The following CCSER1 variants were observed in gnomAD, a reference collection of about 807,000 sequenced individuals.
CCSER1 encodes the protein serine-rich coiled-coil domain-containing protein 1.
A neutral mutation model predicts 82.0 loss-of-function variants in CCSER1; 41 were observed. That is an observed-to-expected ratio of 0.50 (90% CI 0.39 to 0.65). The LOEUF is 0.65. CCSER1 is among the 30% of genes least tolerant of loss of function. The probability of loss-of-function intolerance (pLI) is 0.00; values close to 1 mark genes in which losing one functional copy is unlikely to be tolerated. For missense variants in CCSER1, 1,119 were observed against 1,064.2 expected, an observed-to-expected ratio of 1.05 and a Z score of -0.72; for synonymous variants, 414 against 383.9, an observed-to-expected ratio of 1.08 and a Z score of -0.92.
chr4:91,161,604 G>A (rs1731408407), intron 10 of CCSER1, among the ~76,000 whole-genome samples: 1 of 152,070 alleles, frequency 6.6e-6, no homozygotes, highest in African/African-American at 2.4e-5. Flanking sequence ...AGTTCTCTTT[G>A]AAGAGGTCCT....
intron 10 of CCSER1, among the ~76,000 whole-genome samples, chr4:91,446,576 T>G (rs941269372): frequency 1.9e-5 from 1 of 53,314 alleles, no homozygotes; most frequent in African/African-American, 8.4e-5. Context: ...TTCTTTCTAT[T>G]CTTTGTGTGT....
At chr4:90,285,153 A>G (rs900566771) in intron 1 of CCSER1, among the ~76,000 whole-genome samples, 1 of 151,952 alleles carries the variant, frequency 6.6e-6, no homozygotes, top group Admixed American at 6.6e-5. Flanking sequence ...TTCAATATAA[A>G]TTTTAATTTT....
At chr4:90,789,012 AC>A (rs1450493295) in intron 7 of CCSER1, among the ~76,000 whole-genome samples, 1 of 151,554 alleles carries the variant, frequency 6.6e-6, no homozygotes, top group Non-Finnish European at 1.5e-5. Flanking sequence ...ACACATACAC[AC>A]ACACACACAC....
chr4:90,502,019 A>G (rs1769958391), intron 5 of CCSER1, among the ~76,000 whole-genome samples: 2 of 152,206 alleles, frequency 1.3e-5, no homozygotes, highest in African/African-American at 2.4e-5. Flanking sequence ...TACCATATAT[A>G]TCAATCAAAT....
chr4:90,671,849 G>A (rs929024696), intron 6 of CCSER1, among the ~76,000 whole-genome samples: 1 of 151,958 alleles, frequency 6.6e-6, no homozygotes, highest in Non-Finnish European at 1.5e-5. Flanking sequence ...TGATCCATGG[G>A]CTGCAGAAGA....
In CCSER1 at chr4:90,212,423, C is replaced by T. The variant is rs564769005; in HGVS notation, c.-42+84592C>T. ...TCCATCTTAAGGGACTTTACTTTCTCTGTTTTTATTCACATCAAGTTTGCT... is the reference window on the plus strand; with the variant it reads ...TCCATCTTAAGGGACTTTACTTTCTTTGTTTTTATTCACATCAAGTTTGCT... On this transcript the variant is annotated intron_variant, in intron 1 of 10. Coordinates refer to ENST00000509176, the MANE Select transcript of CCSER1 (RefSeq NM_001145065.2). Among the ~76,000 whole-genome samples the T allele has an allele frequency of 1.1e-3, 167 of 152,236 alleles. 1 individual carries two copies. The highest frequency in any genetic ancestry group is 3.9e-3 in the African/African-American group (161 of 41,556).
chr4:90,657,906 C>A (rs1442566441), intron 6 of CCSER1, among the ~76,000 whole-genome samples: 2 of 152,148 alleles, frequency 1.3e-5, no homozygotes, highest in Non-Finnish European at 2.9e-5. Flanking sequence ...AAGTTCAAGA[C>A]CAACCTTGCC....
At chr4:90,928,886 T>C (rs1026984029) in intron 9 of CCSER1, among the ~76,000 whole-genome samples, 1 of 152,102 alleles carries the variant, frequency 6.6e-6, no homozygotes, top group Non-Finnish European at 1.5e-5. Flanking sequence ...AAATCTAGAT[T>C]CAGGCTCAGT....
At chr4:91,204,582 T>C (rs1736190631) in intron 10 of CCSER1, among the ~76,000 whole-genome samples, 1 of 151,852 alleles carries the variant, frequency 6.6e-6, no homozygotes, top group African/African-American at 2.4e-5. Flanking sequence ...TTTAAAACTA[T>C]CTTGCAAGAT....
At chr4:90,806,368 G>T (rs1757511531) in intron 7 of CCSER1, among the ~76,000 whole-genome samples, 1 of 152,128 alleles carries the variant, frequency 6.6e-6, no homozygotes, top group African/African-American at 2.4e-5. Context: ...TTTTTTAAAT[G>T]AGCATAATTT....
chr4:91,068,797 TA>T, intron 9 of CCSER1, among the ~76,000 whole-genome samples: 1 of 152,292 alleles, frequency 6.6e-6, no homozygotes, highest in Middle Eastern at 3.4e-3. Context: ...TTGATATAGG[TA>T]AAGGCCACAA....
At chr4:90,861,296 A>T (rs559488849) in intron 8 of CCSER1, among the ~76,000 whole-genome samples, 23 of 151,882 alleles carry the variant, frequency 1.5e-4, no homozygotes, top group African/African-American at 4.3e-4. Context: ...AAGCACTGAG[A>T]GATGTAATGT....
intron 7 of CCSER1, chr4:90,727,295 T>C (rs1224680373): frequency 2.2e-6 from 1 of 456,106 alleles, no homozygotes; most frequent in Non-Finnish European, 4.4e-6. Context: ...CAATTTTGCA[T>C]AGGTAGGAAC....
At chr4:91,503,220 T>G (rs1162864222) in intron 10 of CCSER1, among the ~76,000 whole-genome samples, 1 of 151,614 alleles carries the variant, frequency 6.6e-6, no homozygotes, top group Non-Finnish European at 1.5e-5. Context: ...CGGGCGCCTG[T>G]GGTCCCAGCT....
intron 9 of CCSER1, among the ~76,000 whole-genome samples, chr4:90,930,376 C>T (rs561886886): frequency 1.6e-4 from 25 of 151,750 alleles, no homozygotes; most frequent in Non-Finnish European, 2.7e-4. Context: ...CTGAGGCAGG[C>T]GGATCACGAG....
At chr4:90,153,407 G>T (rs1360344066) in intron 1 of CCSER1, among the ~76,000 whole-genome samples, 14 of 152,064 alleles carry the variant, frequency 9.2e-5, no homozygotes, top group Non-Finnish European at 1.6e-4. Context: ...ACCCAGTAAT[G>T]GGATGGCTGG....
chr4:90,557,507 G>A (rs1316791371), intron 5 of CCSER1, among the ~76,000 whole-genome samples: 1 of 151,924 alleles, frequency 6.6e-6, no homozygotes, highest in African/African-American at 2.4e-5. Flanking sequence ...GTCTTTACTA[G>A]TACTAACTAG....
intron 3 of CCSER1, among the ~76,000 whole-genome samples, chr4:90,377,330 A>G (rs1748500083): frequency 1.3e-5 from 2 of 152,332 alleles, no homozygotes; most frequent in Admixed American, 6.5e-5. Flanking sequence ...TGACTAGGTA[A>G]TAAAATCTCA....
chr4:91,431,513 G>C (rs1420499286), intron 10 of CCSER1, among the ~76,000 whole-genome samples: 1 of 151,982 alleles, frequency 6.6e-6, no homozygotes, highest in African/African-American at 2.4e-5. Context: ...TGTTGCCCGG[G>C]CTGGAGTGCA....
Sources: allele counts gnomAD v4.1 joint callset (sites outside exome capture counted in the v4.1 genomes callset), GRCh38; gene constraint gnomAD v4.1.1; transcripts MANE v1.5; gene names NCBI Gene and HGNC (gene_info 2026-07-23, HGNC 2026-07-21).